Variants in VIPR1 observed in about 807,000 individuals in gnomAD.
The protein encoded by VIPR1 is vasoactive intestinal peptide receptor 1.
In VIPR1, 59 loss-of-function variants were observed where a neutral mutation model predicts 58.8. The observed-to-expected ratio is 1.00, with a 90% CI of 0.81 to 1.25. The LOEUF (loss-of-function observed/expected upper bound fraction) is 1.25, where lower values mean the gene tolerates loss of function less well. Ranked by LOEUF, VIPR1 falls within the 50% of genes most tolerant of loss-of-function variation. The pLI, the probability that VIPR1 is intolerant of heterozygous loss-of-function variation, is 0.00. For missense variants in VIPR1, 626 were observed against 602.7 expected (o/e 1.04, Z -0.40); for synonymous variants, 251 against 242.1 (o/e 1.04, Z -0.34).
chr3:42,520,729 C>A (rs968083640), intron 3 of VIPR1, among the ~76,000 whole-genome samples: 2 of 152,134 alleles, frequency 1.3e-5, no homozygotes, highest in Non-Finnish European at 2.9e-5. Context: ...CTCCAGATGG[C>A]CTTTTCCTCC....
Position 42,525,867 on chromosome 3 carries a change from TG to T in VIPR1, c.293-19del. 1 of 1,590,564 alleles carries T rather than the reference TG, an allele frequency of 6.3e-7. No individual in the cohort carries two copies. The highest frequency in any genetic ancestry group is 8.6e-7 in the Non-Finnish European group (1 of 1,168,792). ...TGCTCCCGGCCTCAGCCTTTGTCCT[TG>T]CCCCTGCCCTCCACCCAGGCCGCAA... On this transcript the variant is annotated intron_variant, in intron 3 of 12. Coordinates refer to ENST00000325123, the MANE Select transcript of VIPR1 (RefSeq NM_004624.4).
At position 42,536,129 on chromosome 3, in the gene VIPR1, C is replaced by T; in HGVS notation, c.1222C>T (p.Leu408=). The part of the protein sequence containing the change: ...ELRRKWRRWH[L]QGVLGWNPKY... ...GAGGCGGAAGTGGCGGCGCTGGCACCTGCAGGGCGTCCTGGGCTGGAACCC... is the reference window on the plus strand; with the variant it reads ...GAGGCGGAAGTGGCGGCGCTGGCACTTGCAGGGCGTCCTGGGCTGGAACCC... The change falls in exon 13 of 13, where the codon CTG becomes TTG. Residue 408 remains leucine, a synonymous_variant. Coordinates refer to ENST00000325123, the MANE Select transcript of VIPR1 (RefSeq NM_004624.4). 1 of 1,605,134 alleles carries T rather than the reference C, an allele frequency of 6.2e-7. No individual in the cohort carries two copies. The highest frequency in any genetic ancestry group is 8.5e-7 in the Non-Finnish European group (1 of 1,176,522).
At chr3:42,503,744 C>T (rs1033502713) in intron 1 of VIPR1, among the ~76,000 whole-genome samples, 1 of 152,202 alleles carries the variant, frequency 6.6e-6, no homozygotes, top group Non-Finnish European at 1.5e-5. Flanking sequence ...ACAAGAGCCA[C>T]ATCTGTCTCC....
At chr3:42,515,899 T>A (rs1261529551) in intron 2 of VIPR1, among the ~76,000 whole-genome samples, 1 of 152,186 alleles carries the variant, frequency 6.6e-6, no homozygotes, top group Non-Finnish European at 1.5e-5. Flanking sequence ...TCTATCAGTG[T>A]GAATGTCAGT....
Position 42,535,091 on chromosome 3 carries a change from T to G in VIPR1, c.1127T>G (p.Val376Gly). The G allele has an allele frequency of 6.2e-7, 1 of 1,614,256 alleles. No homozygotes were observed. Among genetic ancestry groups the G allele is most frequent in the Non-Finnish European group, 8.5e-7 (1 of 1,180,034 alleles). The change falls in exon 11 of 13, where the codon GTG (valine) becomes GGG (glycine). Residue 376 changes from valine to glycine, a missense_variant. Transcript: ENST00000325123. ...GTGAAGATGGTCTTTGAGCTCGTCG[T>G]GGGGTCTTTCCAGGTATGGGCTGTT... is the stretch of plus-strand genomic sequence containing the variant. Reference protein sequence around the residue: ...PEVKMVFELVVGSFQGFVVAI... With the variant: ...PEVKMVFELVGGSFQGFVVAI...
intron 1 of VIPR1, among the ~76,000 whole-genome samples, chr3:42,494,837 T>C (rs1444438226): frequency 2.6e-5 from 4 of 152,202 alleles, no homozygotes; most frequent in Non-Finnish European, 5.9e-5. Flanking sequence ...TTATTATCAG[T>C]GCAATTAAGG....
In VIPR1 at chr3:42,517,454, C is replaced by T. The variant is rs1700690283; in HGVS notation, c.185-1769C>T. The stretch of plus-strand genomic sequence containing the variant: ...GGATGGGTCCAGAGCAGTCCTAGTC[C>T]CTCACGGGCATGAAGCTTCTGAACA... On this transcript the variant is annotated intron_variant, in intron 2 of 12. Transcript: ENST00000325123. 2.0e-5 allele frequency among the ~76,000 whole-genome samples: 3 copies of T among 152,166 alleles called. No individual in the cohort carries two copies. The South Asian group carries it at 6.2e-4, about 32-fold the overall frequency.
At position 42,536,858 on chromosome 3, in the gene VIPR1, T is replaced by C. The variant is rs900430270; in HGVS notation, c.*577T>C. The C allele has an allele frequency of 6.6e-6, 1 of 152,294 alleles. No individual in the cohort carries two copies. Among genetic ancestry groups the C allele is most frequent in the African/African-American group, 2.4e-5 (1 of 41,466 alleles). The allele number at this position is 152,294 out of a possible 1,614,324, so 9.4% of individuals were successfully genotyped here. A position where few individuals can be genotyped will look rare whatever the true frequency, so the allele number is the denominator to read the frequency against. On this transcript the variant is annotated 3_prime_UTR_variant, in exon 13 of 13. Coordinates refer to ENST00000325123, the MANE Select transcript of VIPR1 (RefSeq NM_004624.4). ...ATCAGCTTTTTAAAGTGGGTTATTCTGGAGTTTTTGTTTGGAGAGCACACC... is the reference window on the plus strand; with the variant it reads ...ATCAGCTTTTTAAAGTGGGTTATTCCGGAGTTTTTGTTTGGAGAGCACACC...
intron 4 of VIPR1, among the ~76,000 whole-genome samples, chr3:42,527,017 C>G (rs962779573): frequency 1.3e-5 from 2 of 152,130 alleles, no homozygotes; most frequent in Non-Finnish European, 2.9e-5. Context: ...GGCAAGCAGA[C>G]CCCACCCCTA....
chr3:42,503,901 C>T (rs1699993499), intron 1 of VIPR1, among the ~76,000 whole-genome samples: 2 of 152,160 alleles, frequency 1.3e-5, no homozygotes, highest in Admixed American at 6.5e-5. Flanking sequence ...TCATTCTCTC[C>T]CATGGTCACT....
chr3:42,519,921 G>A (rs950651268), intron 3 of VIPR1, among the ~76,000 whole-genome samples: 4 of 152,144 alleles, frequency 2.6e-5, no homozygotes, highest in African/African-American at 7.2e-5. Context: ...AACAGCCCCC[G>A]GGGCTGCTCT....
At chr3:42,526,104 C>G (rs1577241524) in intron 4 of VIPR1, 111 bp downstream of exon 4, 2 of 1,049,846 alleles carry the variant, frequency 1.9e-6, no homozygotes, top group Non-Finnish European at 2.8e-6. Flanking sequence ...AACAGGACTC[C>G]TGGAGTCTGC....
chr3:42,536,494 CTCCT>C lies in VIPR1; in HGVS notation c.*214_*217del. On this transcript the variant is annotated 3_prime_UTR_variant, in exon 13 of 13. Coordinates refer to ENST00000325123, the MANE Select transcript of VIPR1 (RefSeq NM_004624.4). ...TTCTAGCAAGTGAGAGAGATGGGAG[CTCCT>C]CTCCTGGAGGATTGCAGGTGGAACT... The C allele has an allele frequency of 2.1e-6, 1 of 480,970 alleles. No homozygotes were observed. Among genetic ancestry groups the C allele is most frequent in the Non-Finnish European group, 3.6e-6 (1 of 280,534 alleles). 29.8% of individuals were successfully genotyped at this position (480,970 alleles called of 1,614,324 possible).
chr3:42,515,387 C>T (rs991534609), intron 2 of VIPR1, among the ~76,000 whole-genome samples: 1 of 152,218 alleles, frequency 6.6e-6, no homozygotes, highest in African/African-American at 2.4e-5. Flanking sequence ...TGCCCACTAC[C>T]TACAGGCCCC....
Position 42,527,981 on chromosome 3 carries a change from C to G in VIPR1, c.504-10C>G. 6.2e-7 allele frequency: 1 copy of G among 1,613,344 alleles called. No homozygotes were observed. The highest frequency in any genetic ancestry group is 8.5e-7 in the Non-Finnish European group (1 of 1,179,556). ...CCCTTTGGCCTCCCAGATCTGCCCA[C>G]CCCACACAGGAAGCTCCACTGCACG... On this transcript the variant is annotated splice_polypyrimidine_tract_variant and intron_variant, in intron 5 of 12. Coordinates refer to ENST00000325123, the MANE Select transcript of VIPR1 (RefSeq NM_004624.4).
At chr3:42,504,985 C>A (rs7628235) in intron 1 of VIPR1, among the ~76,000 whole-genome samples, 22 of 151,614 alleles carry the variant, frequency 1.5e-4, no homozygotes, top group South Asian at 6.3e-4. Context: ...ACCTGTCAAG[C>A]CTTCCACTGC....
At chr3:42,503,278 G>C (rs1309597486) in intron 1 of VIPR1, among the ~76,000 whole-genome samples, 1 of 152,154 alleles carries the variant, frequency 6.6e-6, no homozygotes, top group Non-Finnish European at 1.5e-5. Context: ...AGTGCTGGGG[G>C]CCCCAGGACT....
chr3:42,521,650 A>G (rs1179701438), intron 3 of VIPR1: 1 of 152,202 alleles, frequency 6.6e-6, no homozygotes, highest in African/African-American at 2.4e-5. Flanking sequence ...AAAGTCATCT[A>G]CCTAGACTGG....
chr3:42,522,880 G>C (rs906233170), intron 3 of VIPR1, among the ~76,000 whole-genome samples: 1 of 152,304 alleles, frequency 6.6e-6, no homozygotes, highest in African/African-American at 2.4e-5. Context: ...GGCCATGACT[G>C]CTTTTTGAGA....
Sources: allele counts gnomAD v4.1 joint callset (sites outside exome capture counted in the v4.1 genomes callset), GRCh38; gene constraint gnomAD v4.1.1; transcripts MANE v1.5; gene names NCBI Gene and HGNC (gene_info 2026-07-23, HGNC 2026-07-21).